UNC5B: variants seen among roughly 807,000 people sequenced by gnomAD.
The protein encoded by UNC5B is netrin receptor UNC5B.
Under a neutral mutation model 103.7 loss-of-function variants are expected in UNC5B, and 56 were observed. The observed-to-expected ratio is 0.54, with a 90% CI of 0.44 to 0.67. The LOEUF is 0.67. UNC5B is among the 30% of genes least tolerant of loss of function. UNC5B has a pLI of 0.00. For missense variants in UNC5B, 1,194 were observed against 1,284.5 expected (o/e 0.93, Z 1.08); for synonymous variants, 577 against 542.0 (o/e 1.06, Z -0.90).
At chr10:71,286,210 G>A (rs1032765108) in intron 4 of UNC5B, among the ~76,000 whole-genome samples, 1 of 152,222 alleles carries the variant, frequency 6.6e-6, no homozygotes, top group Non-Finnish European at 1.5e-5. Context: ...GGCAGCTGGT[G>A]AGTGGCAGAG....
intron 1 of UNC5B, among the ~76,000 whole-genome samples, chr10:71,237,766 G>A (rs186111087): frequency 1.2e-4 from 18 of 152,268 alleles, no homozygotes; most frequent in African/African-American, 4.3e-4. Context: ...TCTTTACTAG[G>A]ACTTTGTAAG....
At position 71,299,256 on chromosome 10, in the gene UNC5B, G is replaced by T; in HGVS notation, c.2817G>T (p.Val939=). 6.2e-7 allele frequency: 1 copy of T among 1,614,106 alleles called. No individual in the cohort carries two copies. Among genetic ancestry groups the T allele is most frequent in the Non-Finnish European group, 8.5e-7 (1 of 1,180,030 alleles). Residue 939 remains valine (V), a synonymous_variant, in exon 17 of 17, where the codon GTG becomes GTT. Coordinates refer to ENST00000335350, the MANE Select transcript of UNC5B (RefSeq NM_170744.5). ...GCAAGAGTGAGATGCTGGTGGCTGT[G>T]GCCACCGACGGGGACTGCTGAGCCT... ...EMGKSEMLVA[V]ATDGDC
chr10:71,276,223 T>C (rs1004098366), intron 1 of UNC5B, among the ~76,000 whole-genome samples: 1 of 152,116 alleles, frequency 6.6e-6, no homozygotes, highest in Non-Finnish European at 1.5e-5. Flanking sequence ...CGTTTGTGCA[T>C]CTCTGTCTAG....
In UNC5B at chr10:71,295,014, C is replaced by T. The variant is rs75089428; in HGVS notation, c.2176-797C>T. On this transcript the variant is annotated intron_variant, in intron 13 of 16. Coordinates refer to ENST00000335350, the MANE Select transcript of UNC5B (RefSeq NM_170744.5). ...TCCTCAGCGCCTCATGGTCCTTTCCCATGGCTCCATGCACTTTCTGTTCCT... is the reference window on the plus strand; with the variant it reads ...TCCTCAGCGCCTCATGGTCCTTTCCTATGGCTCCATGCACTTTCTGTTCCT... Among the ~76,000 whole-genome samples the T allele has an allele frequency of 3.7e-3, 556 of 152,322 alleles. 6 individuals carry two copies. Among genetic ancestry groups the T allele is most frequent in the African/African-American group, 0.013 (542 of 41,568 alleles).
intron 1 of UNC5B, among the ~76,000 whole-genome samples, chr10:71,278,479 C>G (rs1844827407): frequency 6.6e-6 from 1 of 152,200 alleles, no homozygotes; most frequent in South Asian, 2.1e-4. Context: ...CACACACTGC[C>G]CAGGGCCTAG....
chr10:71,245,938 G>T (rs972920193), intron 1 of UNC5B, among the ~76,000 whole-genome samples: 1 of 152,222 alleles, frequency 6.6e-6, no homozygotes, highest in African/African-American at 2.4e-5. Flanking sequence ...GTGATACACC[G>T]CCAGCACCCT....
chr10:71,229,543 A>G (rs1269733246), intron 1 of UNC5B, among the ~76,000 whole-genome samples: 1 of 152,170 alleles, frequency 6.6e-6, no homozygotes, highest in East Asian at 1.9e-4. Flanking sequence ...GGTCGCTGGA[A>G]GCGTGGATCA....
At chr10:71,217,290 G>A (rs1843350286) in intron 1 of UNC5B, 1 of 152,576 alleles carries the variant, frequency 6.6e-6, no homozygotes, top group Non-Finnish European at 1.5e-5. Context: ...ATAATACAAG[G>A]AGAGAACACT....
intron 1 of UNC5B, among the ~76,000 whole-genome samples, chr10:71,227,715 C>G (rs56782524): frequency 7.5e-6 from 1 of 133,910 alleles, no homozygotes; most frequent in African/African-American, 2.8e-5. Flanking sequence ...TATACACACA[C>G]ACACACACAC....
rs1845606289 is a variant in UNC5B at position 71,302,650 on chromosome 10, G to T, written c.*3373G>T. 1 of 151,528 alleles carries T rather than the reference G, an allele frequency of 6.6e-6. No homozygotes were observed. Among genetic ancestry groups the T allele is most frequent in the African/African-American group, 2.4e-5 (1 of 40,862 alleles). The allele number at this position is 151,528 out of a possible 1,614,324, so 9.4% of individuals were successfully genotyped here. ...TTAGGGGAGGTGACCAGGAGCTTTG[G>T]TGCAGGGAGCTCTTGGTGGGGCAAA... On this transcript the variant is annotated 3_prime_UTR_variant, in exon 17 of 17. Coordinates refer to ENST00000335350, the MANE Select transcript of UNC5B (RefSeq NM_170744.5).
At chr10:71,285,183 A>G in intron 3 of UNC5B, 143 bp from the exon 4 acceptor site, 1 of 905,928 alleles carries the variant, frequency 1.1e-6, no homozygotes, top group Non-Finnish European at 1.7e-6. Flanking sequence ...CCTTTGGAGA[A>G]GAGGAAATTT....
At chr10:71,268,506 A>G (rs1346948765) in intron 1 of UNC5B, among the ~76,000 whole-genome samples, 1 of 152,174 alleles carries the variant, frequency 6.6e-6, no homozygotes, top group Non-Finnish European at 1.5e-5. Flanking sequence ...CTGGAGGTGA[A>G]GGGCTTGGAT....
At position 71,288,719 on chromosome 10, in the gene UNC5B, G is replaced by T; in HGVS notation, c.1053G>T (p.Gly351=). 1 of 1,611,472 alleles carries T rather than the reference G, an allele frequency of 6.2e-7. No homozygotes were observed. Among genetic ancestry groups the T allele is most frequent in the Non-Finnish European group, 8.5e-7 (1 of 1,178,404 alleles). The part of the protein sequence containing the change: ...TLLDSKNCTD[G]LCMQNKKTLS... ...TCGACTCTAAGAACTGCACAGATGG[G>T]CTGTGCATGCAAAGTGAGTCACAGG... Residue 351 remains glycine (G), a synonymous_variant, in exon 7 of 17, where the codon GGG becomes GGT. Coordinates refer to ENST00000335350, the MANE Select transcript of UNC5B (RefSeq NM_170744.5).
chr10:71,236,825 C>A (rs1238131776), intron 1 of UNC5B, among the ~76,000 whole-genome samples: 1 of 152,206 alleles, frequency 6.6e-6, no homozygotes, highest in East Asian at 1.9e-4. Context: ...AGCAGTGAAC[C>A]CCCATATTTA....
Position 71,228,192 on chromosome 10 carries a change from T to C in UNC5B, c.79+15128T>C, listed in dbSNP as rs568291001. The stretch of plus-strand genomic sequence containing the variant: ...GAAATTTGATTCAAGTCTCACACCA[T>C]ACAGAGAGATGAACTCCAAGTGGAT... On this transcript the variant is annotated intron_variant, in intron 1 of 16. Coordinates refer to ENST00000335350, the MANE Select transcript of UNC5B (RefSeq NM_170744.5). Among the ~76,000 whole-genome samples, 31 of 152,306 alleles carry C rather than the reference T, an allele frequency of 2.0e-4. No individual in the cohort carries two copies. In the South Asian group the frequency reaches 3.9e-3, roughly 19 times the overall value.
chr10:71,264,675 G>C (rs1160129002), intron 1 of UNC5B, among the ~76,000 whole-genome samples: 1 of 152,184 alleles, frequency 6.6e-6, no homozygotes, highest in Non-Finnish European at 1.5e-5. Context: ...AGAGCCGTGT[G>C]TGGACTGGCG....
chr10:71,300,645 A>G lies in UNC5B; in HGVS notation c.*1368A>G, dbSNP rs767259765. The G allele has an allele frequency of 1.4e-4, 21 of 152,242 alleles. No homozygotes were observed. Among genetic ancestry groups the G allele is most frequent in the Non-Finnish European group, 2.6e-4 (18 of 68,126 alleles). The allele number at this position is 152,242 out of a possible 1,614,324, so 9.4% of individuals were successfully genotyped here. On this transcript the variant is annotated 3_prime_UTR_variant, in exon 17 of 17. Transcript: ENST00000335350. ...GGAATCCAGAATCTGCCCTTCCCCAACCTTGGTTTCTCCTTCTGTAAAGCA... is the reference window on the plus strand; with the variant it reads ...GGAATCCAGAATCTGCCCTTCCCCAGCCTTGGTTTCTCCTTCTGTAAAGCA...
In UNC5B at chr10:71,297,901, C is replaced by G; in HGVS notation, c.2491-8C>G. 1.9e-6 allele frequency: 3 copies of G among 1,609,238 alleles called. No homozygotes were observed. Among genetic ancestry groups the G allele is most frequent in the Non-Finnish European group, 2.5e-6 (3 of 1,177,944 alleles). Reference sequence around the variant, plus strand: ...TGCCCCTCTCACTCTTGGCCCCCACCCTTGCAGACACCTGCTGGCTCCCTG... The same window carrying G: ...TGCCCCTCTCACTCTTGGCCCCCACGCTTGCAGACACCTGCTGGCTCCCTG... On this transcript the variant is annotated splice_region_variant and splice_polypyrimidine_tract_variant and intron_variant, in intron 15 of 16. Transcript: ENST00000335350.
chr10:71,299,220 G>A lies in UNC5B; in HGVS notation c.2781G>A (p.Leu927=). The part of the protein sequence containing the change: ...DGDLNSLASA[L]EEMGKSEMLV... The stretch of plus-strand genomic sequence containing the variant: ...ACCTCAACAGCCTGGCGAGTGCCTT[G>A]GAGGAGATGGGCAAGAGTGAGATGC... The change falls in exon 17 of 17, where the codon TTG becomes TTA. Residue 927 remains leucine (L), a synonymous_variant. Transcript: ENST00000335350. 6.2e-7 allele frequency: 1 copy of A among 1,614,244 alleles called. No homozygotes were observed. Among genetic ancestry groups the A allele is most frequent in the Non-Finnish European group, 8.5e-7 (1 of 1,180,042 alleles).
Sources: allele counts gnomAD v4.1 joint callset (sites outside exome capture counted in the v4.1 genomes callset), GRCh38; gene constraint gnomAD v4.1.1; transcripts MANE v1.5; gene names NCBI Gene and HGNC (gene_info 2026-07-23, HGNC 2026-07-21).